ANKRD30BL: variants seen among roughly 807,000 people sequenced by gnomAD.
The protein encoded by ANKRD30BL is putative ankyrin repeat domain-containing protein 30B-like.
In ANKRD30BL, 20 loss-of-function variants were observed where a neutral mutation model predicts 18.4. The observed-to-expected ratio is 1.09, with a 90% confidence interval of 0.77 to 1.58. The LOEUF is 1.58. Among genes scored for constraint, ANKRD30BL ranks in the 40% most tolerant of loss-of-function variants. The probability of loss-of-function intolerance (pLI) is 0.00; values close to 1 mark genes in which losing one functional copy is unlikely to be tolerated. For synonymous variants in ANKRD30BL, 72 were observed against 100.9 expected (o/e 0.71, Z 1.72); for missense variants, 224 against 268.6 (o/e 0.83, Z 1.16).
At chr2:132,172,717 T>TA in intron 1 of ANKRD30BL, among the ~76,000 whole-genome samples, 1 of 152,086 alleles carries the variant, frequency 6.6e-6, no homozygotes, top group Admixed American at 6.5e-5. Context: ...GTGACTTTTT[T>TA]TTTTTTTTGA....
intron 1 of ANKRD30BL, among the ~76,000 whole-genome samples, chr2:132,225,223 T>A (rs200078547): frequency 4.0e-5 from 6 of 151,480 alleles, no homozygotes; most frequent in Non-Finnish European, 8.8e-5. Flanking sequence ...ACAGAGTTGA[T>A]CCTTTCTTTT....
intron 1 of ANKRD30BL, among the ~76,000 whole-genome samples, chr2:132,213,250 ACT>A (rs1491050196): frequency 6.6e-6 from 1 of 151,176 alleles, no homozygotes; most frequent in Non-Finnish European, 1.5e-5. Flanking sequence ...GCTTTGAAAC[ACT>A]CTGCAAGTGG....
chr2:132,150,336 G>A (rs1001938816), intron 5 of ANKRD30BL, among the ~76,000 whole-genome samples: 21 of 144,946 alleles, frequency 1.4e-4, no homozygotes, highest in African/African-American at 5.8e-4. Context: ...ATTTAACTGT[G>A]TTTCTTTATA....
At chr2:132,218,940 C>G (rs1405148626) in intron 1 of ANKRD30BL, among the ~76,000 whole-genome samples, 1 of 151,456 alleles carries the variant, frequency 6.6e-6, no homozygotes, top group African/African-American at 2.4e-5. Context: ...ACATTTGGAC[C>G]GCTTTGAGGC....
chr2:132,178,980 A>C (rs1205399273), intron 1 of ANKRD30BL, among the ~76,000 whole-genome samples: 3 of 151,656 alleles, frequency 2.0e-5, no homozygotes, highest in Non-Finnish European at 4.4e-5. Context: ...TTGAAGATAC[A>C]ACTGATTTTT....
chr2:132,224,426 G>A (rs1573862717), intron 1 of ANKRD30BL, among the ~76,000 whole-genome samples: 1 of 152,044 alleles, frequency 6.6e-6, no homozygotes, highest in African/African-American at 2.4e-5. Context: ...GAATCTGCAA[G>A]TGGATATTTG....
intron 1 of ANKRD30BL, among the ~76,000 whole-genome samples, chr2:132,255,848 C>G (rs78311681): frequency 6.6e-6 from 1 of 152,112 alleles, no homozygotes; most frequent in African/African-American, 2.4e-5. Context: ...GGCAGACATT[C>G]GAATGGGTCA....
intron 1 of ANKRD30BL, among the ~76,000 whole-genome samples, chr2:132,159,613 T>C (rs928617965): frequency 2.6e-5 from 4 of 152,092 alleles, no homozygotes; most frequent in Non-Finnish European, 4.4e-5. Context: ...AATTAGCGGG[T>C]TTTTTGTTGA....
chr2:132,214,955 A>T (rs183295575), intron 1 of ANKRD30BL, among the ~76,000 whole-genome samples: 1 of 151,766 alleles, frequency 6.6e-6, no homozygotes, highest in African/African-American at 2.4e-5. Context: ...CTTTTTGTAG[A>T]ATCTGCAAGT....
intron 1 of ANKRD30BL, among the ~76,000 whole-genome samples, chr2:132,241,751 G>A (rs1399193380): frequency 6.6e-6 from 1 of 151,508 alleles, no homozygotes; most frequent in Non-Finnish European, 1.5e-5. Context: ...AACTCACAGA[G>A]TTGAATTTTT....
At chr2:132,184,722 G>A (rs1174557854) in intron 1 of ANKRD30BL, among the ~76,000 whole-genome samples, 1 of 150,520 alleles carries the variant, frequency 6.6e-6, no homozygotes, top group Admixed American at 6.6e-5. Context: ...TTCTGATTTT[G>A]TGACTTGGAT....
At chr2:132,198,335 T>TTTTC (rs1679017444) in intron 1 of ANKRD30BL, among the ~76,000 whole-genome samples, 1 of 131,112 alleles carries the variant, frequency 7.6e-6, no homozygotes, top group Non-Finnish European at 1.6e-5. Context: ...TTTTTTTTTT[T>TTTTC]TTTTTTTAGA....
At chr2:132,189,375 G>T (rs1395236630) in intron 1 of ANKRD30BL, among the ~76,000 whole-genome samples, 1 of 152,124 alleles carries the variant, frequency 6.6e-6, no homozygotes, top group East Asian at 1.9e-4. Context: ...ATGACACAGA[G>T]ATTTTATTCA....
chr2:132,217,249 G>C (rs941696962), intron 1 of ANKRD30BL, among the ~76,000 whole-genome samples: 2 of 151,950 alleles, frequency 1.3e-5, no homozygotes, highest in African/African-American at 4.8e-5. Context: ...GCTTTTGTTG[G>C]AAAAGGGAAT....
chr2:132,202,635 TA>T (rs1679130861), intron 1 of ANKRD30BL, among the ~76,000 whole-genome samples: 1 of 152,060 alleles, frequency 6.6e-6, no homozygotes, highest in South Asian at 2.1e-4. Flanking sequence ...TTAATTTGGG[TA>T]AAAAAATTTT....
At chr2:132,179,538 C>T (rs1573819634) in intron 1 of ANKRD30BL, among the ~76,000 whole-genome samples, 1 of 152,138 alleles carries the variant, frequency 6.6e-6, no homozygotes, top group African/African-American at 2.4e-5. Flanking sequence ...ATCCTCCCGC[C>T]TCAGCCTCCC....
intron 1 of ANKRD30BL, among the ~76,000 whole-genome samples, chr2:132,222,835 A>T (rs1404962088): frequency 1.8e-5 from 2 of 114,002 alleles, no homozygotes; most frequent in African/African-American, 1.2e-4. Context: ...TGATCAATAA[A>T]AAAAAAAAAA....
chr2:132,235,037 C>G (rs1398300406), intron 1 of ANKRD30BL, among the ~76,000 whole-genome samples: 2 of 152,162 alleles, frequency 1.3e-5, no homozygotes, highest in East Asian at 3.9e-4. Context: ...TCAATATACG[C>G]AAATCAATAA....
chr2:132,235,125 C>T (rs199528149), intron 1 of ANKRD30BL, among the ~76,000 whole-genome samples: 2 of 152,066 alleles, frequency 1.3e-5, no homozygotes, highest in Non-Finnish European at 2.9e-5. Context: ...AAGCCTTTGA[C>T]AAAATTCAAC....
Sources: allele counts gnomAD v4.1 joint callset (sites outside exome capture counted in the v4.1 genomes callset), GRCh38; gene constraint gnomAD v4.1.1; transcripts MANE v1.5; gene names NCBI Gene and HGNC (gene_info 2026-07-23, HGNC 2026-07-21).